Variants in EPG5 observed in about 807,000 individuals in gnomAD.
The protein encoded by EPG5 is ectopic P granules protein 5 homolog.
A neutral mutation model predicts 302.7 loss-of-function variants in EPG5; 159 were observed. That is an observed-to-expected ratio of 0.53 (90% confidence interval 0.46 to 0.60). EPG5 has a LOEUF of 0.60. Ranked by LOEUF, EPG5 falls within the 20% of genes least tolerant of loss-of-function variation. The probability of loss-of-function intolerance (pLI) is 0.00; values close to 1 mark genes in which losing one functional copy is unlikely to be tolerated. For missense variants in EPG5, 2,896 were observed against 3,092.4 expected, an observed-to-expected ratio of 0.94 and a Z score of 1.51; for synonymous variants, 1,158 against 1,136.8, an observed-to-expected ratio of 1.02 and a Z score of -0.37.
the EPG5 span, among the ~76,000 whole-genome samples, chr18:45,833,479 A>G: frequency 6.6e-6 from 1 of 151,638 alleles, no homozygotes; most frequent in East Asian, 1.9e-4. Context: ...TGCCTCACTT[A>G]TTTTTGTATT....
intron 10 of EPG5, among the ~76,000 whole-genome samples, chr18:45,939,068 C>T (rs929585289): frequency 6.6e-6 from 1 of 152,190 alleles, no homozygotes; most frequent in African/African-American, 2.4e-5. Context: ...CAGCTATGCC[C>T]TTGCCTATGC....
At chr18:45,954,372 C>A (rs766101404) in intron 2 of EPG5, 22 bp downstream of exon 2, 1 of 1,562,588 alleles carries the variant, frequency 6.4e-7, no homozygotes, top group Non-Finnish European at 8.6e-7. Flanking sequence ...CTGCAAATTC[C>A]CCAGGCTTCT....
At position 45,925,884 on chromosome 18, in the gene EPG5, TA is replaced by T; in HGVS notation, c.2571del (p.Phe857LeufsTer16). 1 of 1,493,734 alleles carries T rather than the reference TA, an allele frequency of 6.7e-7. No individual in the cohort carries two copies. The highest frequency in any genetic ancestry group is 8.9e-7 in the Non-Finnish European group (1 of 1,122,636). 92.5% of individuals were successfully genotyped at this position (1,493,734 alleles called of 1,614,324 possible). On this transcript the variant is annotated frameshift_variant, in exon 14 of 44. Transcript: ENST00000282041. LOFTEE classifies it high-confidence loss of function. ...TGCCAAAGATACAAAGGCAGTTCTT[TA>T]AACAAGTATAGAGAAACCTTATTAA... ...DQVGMVSLYL[F>X]KELPLYLWQP...
the EPG5 span, chr18:45,842,432 T>C: frequency 3.8e-6 from 2 of 521,454 alleles, no homozygotes; most frequent in African/African-American, 4.2e-5. Flanking sequence ...TCTGTGTGTG[T>C]GTGTGTGTGT....
the EPG5 span, among the ~76,000 whole-genome samples, chr18:45,816,732 GAAC>G: frequency 6.6e-5 from 10 of 152,304 alleles, no homozygotes; most frequent in African/African-American, 2.4e-4. Context: ...ACTAAAAGTA[GAAC>G]AACCAATTGA....
chr18:45,874,135 G>GA (rs1270146536), intron 35 of EPG5, among the ~76,000 whole-genome samples: 7 of 152,214 alleles, frequency 4.6e-5, no homozygotes, highest in African/African-American at 1.7e-4. Flanking sequence ...TACCAAGAGA[G>GA]AACACTAATG....
intron 23 of EPG5, among the ~76,000 whole-genome samples, chr18:45,909,543 T>G (rs2049842710): frequency 6.6e-6 from 1 of 152,222 alleles, no homozygotes; most frequent in Non-Finnish European, 1.5e-5. Context: ...GCCATTTTTA[T>G]TAAGTCTTAT....
At chr18:45,809,188 A>G in the EPG5 span, among the ~76,000 whole-genome samples, 398 of 152,328 alleles carry the variant, frequency 2.6e-3, 3 homozygotes, top group South Asian at 0.017. Flanking sequence ...AATCCTAAAT[A>G]TATATGCATC....
At position 45,939,685 on chromosome 18, in the gene EPG5, G is replaced by T; in HGVS notation, c.2014C>A (p.Gln672Lys). 3 of 1,614,046 alleles carry T rather than the reference G, an allele frequency of 1.9e-6. No homozygotes were observed. The highest frequency in any genetic ancestry group is 2.5e-6 in the Non-Finnish European group (3 of 1,180,020). ...AGTTTCTCCATAGAGTAGGGCTGTT[G>T]GGCCAATCCTGAGCCTTGGTTATGG... ...VSHNQGSGLA[Q>K]QPYSMEKLQV... The change falls in exon 10 of 44, where the codon CAA (glutamine) becomes AAA (lysine). Residue 672 changes from glutamine to lysine, a missense_variant. This residue lies in a region of EPG5 where 1,390 missense variants were observed against 1,430.0 expected (regional missense o/e 0.97). Transcript: ENST00000282041.
At chr18:45,842,958 CT>C (rs1379173776), downstream of EPG5, 1 of 152,402 alleles carries the variant, frequency 6.6e-6, no homozygotes, top group East Asian at 1.9e-4. Context: ...GGCCTGGGGC[CT>C]TTACCCCATG....
Position 45,915,518 on chromosome 18 carries a change from G to T in EPG5, c.3686C>A (p.Pro1229His), listed in dbSNP as rs778094374. The T allele has an allele frequency of 1.2e-5, 20 of 1,611,876 alleles. No homozygotes were observed. Among genetic ancestry groups the T allele is most frequent in the Middle Eastern group, 3.3e-4 (2 of 6,082 alleles). ...TCTCAGTGAGTTTCCTACCTGAGTGGGCGTGGCCAAGCCCTCCACAAAGGA... is the reference window on the plus strand; with the variant it reads ...TCTCAGTGAGTTTCCTACCTGAGTGTGCGTGGCCAAGCCCTCCACAAAGGA... ...TPSFVEGLAT[P>H]TQVWFAWTVL... is the part of the protein sequence containing the mutation. The change falls in exon 20 of 44, where the codon CCC (proline) becomes CAC (histidine). Residue 1229 changes from proline to histidine, a missense_variant. Coordinates refer to ENST00000282041, the MANE Select transcript of EPG5 (RefSeq NM_020964.3).
At chr18:45,895,189 C>T (rs2049443543) in intron 27 of EPG5, among the ~76,000 whole-genome samples, 2 of 152,078 alleles carry the variant, frequency 1.3e-5, no homozygotes, top group Non-Finnish European at 1.5e-5. Context: ...GCCTAAGTTT[C>T]CAGCTTGGGA....
In EPG5 at chr18:45,848,033, C is replaced by T. The variant is rs2145114875; in HGVS notation, c.*4434G>A. 1 of 151,838 alleles carries T rather than the reference C, an allele frequency of 6.6e-6. No homozygotes were observed. Among genetic ancestry groups the T allele is most frequent in the East Asian group, 1.9e-4 (1 of 5,166 alleles). The allele number at this position is 151,838 out of a possible 1,614,324, so 9.4% of individuals were successfully genotyped here. Reference sequence around the variant, plus strand: ...ATTTTCATCAGGAATCAGGAACCTACCAGAGTGAAGGAAACCTCAAATACA... The same window carrying T: ...ATTTTCATCAGGAATCAGGAACCTATCAGAGTGAAGGAAACCTCAAATACA... On this transcript the variant is annotated 3_prime_UTR_variant, in exon 44 of 44. Transcript: ENST00000282041.
chr18:45,910,461 G>C, intron 23 of EPG5, 60 bp downstream of exon 23: 1 of 1,271,862 alleles, frequency 7.9e-7, no homozygotes. Context: ...ACAGTTAACT[G>C]CTCCAGCATA....
At position 45,866,857 on chromosome 18, in the gene EPG5, T is replaced by A; in HGVS notation, c.6562A>T (p.Met2188Leu). The A allele has an allele frequency of 6.2e-7, 1 of 1,614,186 alleles. No individual in the cohort carries two copies. The part of the protein sequence containing the change: ...LAKESYAELI[M>L]KLLKVSAGLS... ...CCCGCAGACACTTTTAGGAGCTTCA[T>A]GATTAATTCAGCATAAGATTCTTTT... The change falls in exon 38 of 44, where the codon ATG becomes TTG. Residue 2188 changes from methionine (M) to leucine (L), a missense_variant. By Grantham distance (15) the Met-to-Leu change is conservative. Transcript: ENST00000282041.
At chr18:45,846,589 T>C (rs1216182251), downstream of EPG5, among the ~76,000 whole-genome samples, 2 of 147,458 alleles carry the variant, frequency 1.4e-5, no homozygotes, top group African/African-American at 5.0e-5. Context: ...AGACTGGAAT[T>C]ATACTCATTT....
the EPG5 span, among the ~76,000 whole-genome samples, chr18:45,820,985 A>G: frequency 1.3e-5 from 2 of 152,386 alleles, no homozygotes; most frequent in South Asian, 4.1e-4. Flanking sequence ...ACCAGGGATC[A>G]TCTGATAAAG....
At chr18:45,856,594 G>T (rs1027230497) in intron 42 of EPG5, among the ~76,000 whole-genome samples, 11 of 152,260 alleles carry the variant, frequency 7.2e-5, no homozygotes, top group African/African-American at 2.2e-4. Context: ...AATAAAAGAC[G>T]CAAGCCAAAT....
At chr18:45,925,027 G>T (rs1376330744) in intron 14 of EPG5, among the ~76,000 whole-genome samples, 1 of 152,184 alleles carries the variant, frequency 6.6e-6, no homozygotes, top group African/African-American at 2.4e-5. Context: ...CAGAACCCAG[G>T]GAGGCTGGCT....
Sources: gnomAD v4.1 joint callset for allele counts (sites outside exome capture counted in the v4.1 genomes callset) on GRCh38, gnomAD v4.1.1 for gene constraint, gnomAD v4.1.1 regional missense constraint, MANE v1.5 for transcripts, NCBI Gene and HGNC (gene_info 2026-07-23, HGNC 2026-07-21) for gene names.